Variants in DHX34 observed in about 807,000 individuals in gnomAD.
The protein encoded by DHX34 is DExH-box helicase 34.
In DHX34, 96 loss-of-function variants were observed where a neutral mutation model predicts 111.1. That is an observed-to-expected ratio of 0.86 (90% CI 0.73 to 1.02). The LOEUF is 1.02. Ranked by LOEUF, DHX34 falls within the 50% of genes least tolerant of loss-of-function variation. The probability of loss-of-function intolerance (pLI) is 0.00; values close to 1 mark genes in which losing one functional copy is unlikely to be tolerated. For synonymous variants in DHX34, 688 were observed against 670.4 expected (o/e 1.03, Z -0.41); for missense variants, 1,560 against 1,579.9 (o/e 0.99, Z 0.21).
chr19:47,353,866 T>C lies in DHX34; in HGVS notation c.705+131T>C. 3 of 910,460 alleles carry C rather than the reference T, an allele frequency of 3.3e-6. No individual in the cohort carries two copies. The highest frequency in any genetic ancestry group is 4.8e-6 in the Non-Finnish European group (3 of 625,282). 56.4% of individuals were successfully genotyped at this position (910,460 alleles called of 1,614,324 possible). A position where few individuals can be genotyped will look rare whatever the true frequency, so the allele number is the denominator to read the frequency against. On this transcript the variant is annotated intron_variant, in intron 2 of 16. Coordinates refer to ENST00000328771, the MANE Select transcript of DHX34 (RefSeq NM_014681.6). The surrounding 1 kb of genome is among the most constrained non-coding windows in gnomAD (Gnocchi z 4.6). ...CCCAGCGATGATTCTTCTAGAACTT[T>C]ATCCACAGAGTGGCTTGTCTGTGGT...
At position 47,382,411 on chromosome 19, in the gene DHX34, C is replaced by A; in HGVS notation, c.*298C>A. On this transcript the variant is annotated 3_prime_UTR_variant, in exon 17 of 17. Coordinates refer to ENST00000328771, the MANE Select transcript of DHX34 (RefSeq NM_014681.6). ...GTCCTGGGTAGGAGGGGCGTTAGAG[C>A]CAGCAGGGACCTCCCATGTCTCCAG... 2.8e-6 allele frequency: 1 copy of A among 351,158 alleles called. No individual in the cohort carries two copies. Among genetic ancestry groups the A allele is most frequent in the Non-Finnish European group, 5.2e-6 (1 of 192,050 alleles). The allele number at this position is 351,158 out of a possible 1,614,324, so 21.8% of individuals were successfully genotyped here.
Position 47,353,800 on chromosome 19 carries a change from C to T in DHX34, c.705+65C>T, listed in dbSNP as rs1969368973. On this transcript the variant is annotated intron_variant, in intron 2 of 16. Coordinates refer to ENST00000328771, the MANE Select transcript of DHX34 (RefSeq NM_014681.6). This position sits in a 1 kb window ranked among gnomAD's most constrained non-coding sequence, Gnocchi z 4.6. ...ACCTTGGGGGAATAGGTTGCTTGTC[C>T]ATATGGCAGTATCAATAAAAATGAA... 1 of 1,380,448 alleles carries T rather than the reference C, an allele frequency of 7.2e-7. No individual in the cohort carries two copies. Among genetic ancestry groups the T allele is most frequent in the Admixed American group, 2.7e-5 (1 of 37,630 alleles). The allele number at this position is 1,380,448 out of a possible 1,614,324, so 85.5% of individuals were successfully genotyped here. A position where few individuals can be genotyped will look rare whatever the true frequency, so the allele number is the denominator to read the frequency against.
intron 7 of DHX34, among the ~76,000 whole-genome samples, chr19:47,368,639 T>TACACAC (rs533434183): frequency 3.4e-5 from 5 of 145,702 alleles, no homozygotes; most frequent in Admixed American, 6.9e-5. Context: ...TGTATATATA[T>TACACAC]ACACACACAC....
chr19:47,355,463 T>C (rs1358861539), intron 3 of DHX34, 113 bp downstream of exon 3: 1 of 1,456,914 alleles, frequency 6.9e-7, no homozygotes, highest in African/African-American at 1.4e-5. Context: ...CATTTAAAGA[T>C]GTTCTCTTTT....
In DHX34 at chr19:47,349,355, A is replaced by G. The variant is rs1969212929; in HGVS notation, c.-278+3A>G. ...AGTTAAGGCGTTCGCGGCGTGTGGT[A>G]AGTGAGGGGGGCGGGACGGGTGTAC... On this transcript the variant is annotated splice_donor_region_variant and intron_variant, in intron 1 of 16. Coordinates refer to ENST00000328771, the MANE Select transcript of DHX34 (RefSeq NM_014681.6). The G allele has an allele frequency of 6.6e-6, 1 of 152,406 alleles. No individual in the cohort carries two copies. Among genetic ancestry groups the G allele is most frequent in the Non-Finnish European group, 1.5e-5 (1 of 68,218 alleles). The allele number at this position is 152,406 out of a possible 1,614,324, so 9.4% of individuals were successfully genotyped here. A position where few individuals can be genotyped will look rare whatever the true frequency, so the allele number is the denominator to read the frequency against.
chr19:47,362,763 T>A (rs1261934477), intron 6 of DHX34, 70 bp downstream of exon 6: 14 of 1,193,112 alleles, frequency 1.2e-5, no homozygotes, highest in Non-Finnish European at 1.5e-5. Flanking sequence ...AGGCCTTTTT[T>A]ATTTTATTTT....
intron 7 of DHX34, among the ~76,000 whole-genome samples, chr19:47,368,461 C>T (rs1969862939): frequency 6.6e-6 from 1 of 150,694 alleles, no homozygotes; most frequent in African/African-American, 2.4e-5. Flanking sequence ...CATGCGCCAC[C>T]ATGCCCGGCT....
Position 47,376,133 on chromosome 19 carries a change from T to G in DHX34, c.2481+36T>G, listed in dbSNP as rs757128728. 24 of 1,523,364 alleles carry G rather than the reference T, an allele frequency of 1.6e-5. No individual in the cohort carries two copies. The East Asian group carries it at 5.2e-4, about 33-fold the overall frequency. 94.4% of individuals were successfully genotyped at this position (1,523,364 alleles called of 1,614,324 possible). A position where few individuals can be genotyped will look rare whatever the true frequency, so the allele number is the denominator to read the frequency against. ...TTCTGCCCCATCCTATGTTTTGTCCTCCAACACACGAACCCTGAGTGCCTG... is the reference window on the plus strand; with the variant it reads ...TTCTGCCCCATCCTATGTTTTGTCCGCCAACACACGAACCCTGAGTGCCTG... On this transcript the variant is annotated intron_variant, in intron 11 of 16. Transcript: ENST00000328771.
chr19:47,368,947 G>A (rs1282299491), intron 7 of DHX34, among the ~76,000 whole-genome samples: 1 of 151,924 alleles, frequency 6.6e-6, no homozygotes, highest in Non-Finnish European at 1.5e-5. Flanking sequence ...GCAGTGGTGT[G>A]ATCTCAGCTA....
Position 47,376,837 on chromosome 19 carries a change from C to G in DHX34, c.2600-263C>G, listed in dbSNP as rs536631108. ...CCGGTCAGGGGGCCTGTCCTATGGA[C>G]TCTGTGAGCTCCCAGGTGGGTCCTG... On this transcript the variant is annotated intron_variant, in intron 12 of 16. Transcript: ENST00000328771. The G allele has an allele frequency of 1.8e-4, 273 of 1,530,570 alleles. No individual in the cohort carries two copies. In the Middle Eastern group the frequency reaches 1.8e-3, roughly 10 times the overall value. 94.8% of individuals were successfully genotyped at this position (1,530,570 alleles called of 1,614,324 possible).
chr19:47,376,530 C>A lies in DHX34; in HGVS notation c.2569C>A (p.Leu857Met). 1 of 1,579,888 alleles carries A rather than the reference C, an allele frequency of 6.3e-7. No individual in the cohort carries two copies. Among genetic ancestry groups the A allele is most frequent in the Non-Finnish European group, 8.6e-7 (1 of 1,163,564 alleles). The change falls in exon 12 of 17, where the codon CTG becomes ATG. Residue 857 changes from leucine to methionine, a missense_variant. By Grantham distance (15) the Leu-to-Met change is conservative (BLOSUM62 2). Coordinates refer to ENST00000328771, the MANE Select transcript of DHX34 (RefSeq NM_014681.6). The part of the protein sequence containing the change: ...GSPEVLHAQE[L>M]EASNCDGSRD... ...CCCCGAGGTGCTGCACGCACAGGAG[C>A]TGGAGGCCAGCAACTGCGACGGAAG...
In DHX34 at chr19:47,382,137, C is replaced by A; in HGVS notation, c.*24C>A. 1 of 1,612,286 alleles carries A rather than the reference C, an allele frequency of 6.2e-7. No individual in the cohort carries two copies. The highest frequency in any genetic ancestry group is 8.5e-7 in the Non-Finnish European group (1 of 1,179,186). On this transcript the variant is annotated 3_prime_UTR_variant, in exon 17 of 17. Transcript: ENST00000328771. ...GAGCTGGGCCAGGAGCCCTGCCCAC[C>A]TCCGTGCAGCTGACCTGCCCTCCAG...
In DHX34 at chr19:47,372,942, GCCC is replaced by G; in HGVS notation, c.1962+20_1962+22del. ...GGTGCAGGTGAGGCTGGTGGTGGGG[GCCC>G]TCTGTCTGTCACCCTGCTCAGGGCC... is the stretch of plus-strand genomic sequence containing the variant. On this transcript the variant is annotated intron_variant, in intron 8 of 16. Coordinates refer to ENST00000328771, the MANE Select transcript of DHX34 (RefSeq NM_014681.6). 6.3e-7 allele frequency: 1 copy of G among 1,575,638 alleles called. No homozygotes were observed. The highest frequency in any genetic ancestry group is 8.6e-7 in the Non-Finnish European group (1 of 1,165,650).
intron 14 of DHX34, chr19:47,380,565 A>T (rs1383622381): frequency 3.2e-6 from 3 of 947,594 alleles, no homozygotes; most frequent in Non-Finnish European, 3.8e-6. Flanking sequence ...TCAAGGTCTG[A>T]ATGGGGTCCC....
At chr19:47,361,674 G>C (rs1317921316) in intron 5 of DHX34, among the ~76,000 whole-genome samples, 1 of 152,086 alleles carries the variant, frequency 6.6e-6, no homozygotes, top group Non-Finnish European at 1.5e-5. Context: ...AGCTACTCAG[G>C]AGGCTGAGGC....
intron 6 of DHX34, among the ~76,000 whole-genome samples, chr19:47,364,471 G>A (rs1969731134): frequency 6.6e-6 from 1 of 152,130 alleles, no homozygotes; most frequent in Admixed American, 6.5e-5. Flanking sequence ...GGCACAATGA[G>A]TGACTCATGC....
rs866935357 is a variant in DHX34 at position 47,355,265 on chromosome 19, C to T, written c.932C>T (p.Ser311Leu). The change falls in exon 3 of 17, where the codon TCG becomes TTG. Residue 311 changes from serine (S) to leucine (L), a missense_variant. Physicochemically the swap from Ser to Leu is moderately radical, Grantham distance 145. Transcript: ENST00000328771. ...TRPDLKVILM[S>L]ATINISLFSS... ...CCTGACCTCAAGGTCATCCTCATGT[C>T]GGCCACCATCAACATCTCGCTCTTC... 1 of 1,614,170 alleles carries T rather than the reference C, an allele frequency of 6.2e-7. No homozygotes were observed.
In DHX34 at chr19:47,381,367, G is replaced by T. The variant is rs374195646; in HGVS notation, c.3298+43G>T. On this transcript the variant is annotated intron_variant, in intron 16 of 16. Transcript: ENST00000328771. ...GGGACCCGGCCACCTCTGCCCAGCC[G>T]TCTGCCCATCCCATGATGGTCTCCT... 6 of 1,588,194 alleles carry T rather than the reference G, an allele frequency of 3.8e-6. No individual in the cohort carries two copies. The East Asian group carries it at 1.1e-4, about 30-fold the overall frequency.
rs28522883 is a variant in DHX34 at position 47,379,829 on chromosome 19, T to G, written c.2826T>G (p.Ala942=). 0.14 allele frequency: 226,870 copies of G among 1,613,640 alleles called. 17,068 individuals are homozygous for G. Among genetic ancestry groups the G allele is most frequent in the Middle Eastern group, 0.17 (1,047 of 6,010 alleles). Residue 942 remains alanine (A), a synonymous_variant, in exon 14 of 17, where the codon GCT becomes GCG. Transcript: ENST00000328771. The part of the protein sequence containing the change: ...DSESAIRLLA[A]SLRLRARWES... The stretch of plus-strand genomic sequence containing the variant: ...AAAGTGCCATCCGACTCCTGGCGGC[T>G]TCCCTGCGGCTCCGTGCCCGCTGGG...
Sources: allele counts gnomAD v4.1 joint callset (sites outside exome capture counted in the v4.1 genomes callset), GRCh38; gene constraint gnomAD v4.1.1; non-coding constraint Gnocchi (gnomAD v3.1); transcripts MANE v1.5; gene names NCBI Gene and HGNC (gene_info 2026-07-23, HGNC 2026-07-21).